The following MYT1L variants were observed in gnomAD, a reference collection of about 807,000 sequenced individuals.
MYT1L encodes myelin transcription factor 1-like protein.
In MYT1L, 12 loss-of-function variants were observed where a neutral mutation model predicts 126.7. The ratio of observed to expected loss-of-function variants is 0.09; its 90% CI spans 0.06 to 0.15. The LOEUF (loss-of-function observed/expected upper bound fraction) is 0.15. Ranked by LOEUF, MYT1L falls within the 10% of genes least tolerant of loss-of-function variation. MYT1L has a pLI of 1.00. For missense variants in MYT1L, 979 were observed against 1,585.2 expected, an observed-to-expected ratio of 0.62 and a Z score of 6.49; for synonymous variants, 541 against 604.2, an observed-to-expected ratio of 0.90 and a Z score of 1.53.
chr2:2,003,753 T>C (rs2062658366), intron 4 of MYT1L, among the ~76,000 whole-genome samples: 1 of 152,176 alleles, frequency 6.6e-6, no homozygotes, highest in Non-Finnish European at 1.5e-5. Context: ...CACGCCTTCC[T>C]GTGTGGACCC....
intron 2 of MYT1L, among the ~76,000 whole-genome samples, chr2:2,249,211 T>G (rs563873408): frequency 6.6e-6 from 1 of 152,124 alleles, no homozygotes; most frequent in Non-Finnish European, 1.5e-5. Flanking sequence ...AAGTTGCATT[T>G]TTATATGTCA....
chr2:2,253,425 G>C (rs548895981), intron 2 of MYT1L, among the ~76,000 whole-genome samples: 1 of 152,366 alleles, frequency 6.6e-6, no homozygotes, highest in African/African-American at 2.4e-5. Context: ...TGCTCAGCGG[G>C]AAATCTCAGT....
intron 14 of MYT1L, 32 bp from the exon 15 acceptor site, chr2:1,892,319 C>CCCGG: frequency 6.5e-7 from 1 of 1,541,030 alleles, no homozygotes; most frequent in Non-Finnish European, 8.8e-7. Flanking sequence ...TGACTCAGGC[C>CCCGG]CCGGCCGCAG....
At position 2,104,536 on chromosome 2, in the gene MYT1L, C is replaced by T. The variant is rs375687104; in HGVS notation, c.-303-50413G>A. On this transcript the variant is annotated intron_variant, in intron 3 of 24. Transcript: ENST00000647738. ...AGGATGGCTGGAGAACGGCACAAGG[C>T]GGTGGCTACCTGGCAACAGCGGCTC... 2.4e-4 allele frequency among the ~76,000 whole-genome samples: 37 copies of T among 152,334 alleles called. No individual in the cohort carries two copies. In the East Asian group the frequency reaches 6.8e-3, roughly 28 times the overall value.
intron 8 of MYT1L, among the ~76,000 whole-genome samples, chr2:1,965,974 C>T (rs541225299): frequency 3.7e-4 from 57 of 152,382 alleles, no homozygotes; most frequent in African/African-American, 1.2e-3. Context: ...GCCTGCTTCA[C>T]GACGCCCTAG....
At chr2:1,947,445 C>G (rs1008876737) in intron 8 of MYT1L, among the ~76,000 whole-genome samples, 2 of 152,096 alleles carry the variant, frequency 1.3e-5, no homozygotes, top group Admixed American at 1.3e-4. Context: ...GCTAGGAGGA[C>G]GTTTGAGAGG....
chr2:2,007,652 G>A (rs1053319202), intron 4 of MYT1L, among the ~76,000 whole-genome samples: 4 of 152,072 alleles, frequency 2.6e-5, no homozygotes, highest in Non-Finnish European at 5.9e-5. Context: ...TTTGGCCTAG[G>A]GAATTGTGGT....
At chr2:2,078,499 T>G (rs1212463222) in intron 3 of MYT1L, among the ~76,000 whole-genome samples, 1 of 152,158 alleles carries the variant, frequency 6.6e-6, no homozygotes, top group Non-Finnish European at 1.5e-5. Context: ...TGAAAAAATA[T>G]TCCATGCAAG....
intron 1 of MYT1L, among the ~76,000 whole-genome samples, chr2:2,307,350 T>C (rs560257508): frequency 1.3e-5 from 2 of 152,176 alleles, no homozygotes; most frequent in African/African-American, 4.8e-5. Context: ...AGTGGGGGTG[T>C]GTGGCGTCAT....
intron 3 of MYT1L, among the ~76,000 whole-genome samples, chr2:2,078,799 A>G (rs2075497021): frequency 6.6e-6 from 1 of 152,242 alleles, no homozygotes; most frequent in Admixed American, 6.5e-5. Flanking sequence ...AGTGCAGCCC[A>G]TTTGCAGGGT....
chr2:2,203,526 TA>T (rs1559326895), intron 2 of MYT1L, among the ~76,000 whole-genome samples: 1 of 151,560 alleles, frequency 6.6e-6, no homozygotes, highest in African/African-American at 2.4e-5. Context: ...TCAAAGAGAA[TA>T]AAATACCTAG....
intron 19 of MYT1L, among the ~76,000 whole-genome samples, chr2:1,846,853 GCCCCCTGGTGAGGAGCCA>G (rs1312985181): frequency 6.6e-6 from 1 of 152,184 alleles, no homozygotes; most frequent in Non-Finnish European, 1.5e-5. Context: ...GGTTCCCAAG[GCCCCCTGGTGAGGAGCCA>G]CCTCTCCGGA....
chr2:1,992,094 T>C (rs2061494339), intron 5 of MYT1L, among the ~76,000 whole-genome samples: 1 of 152,230 alleles, frequency 6.6e-6, no homozygotes, highest in Admixed American at 6.5e-5. Context: ...AGTTAGGCAC[T>C]GCTGTCTCCT....
intron 3 of MYT1L, among the ~76,000 whole-genome samples, chr2:2,092,795 G>C: frequency 6.6e-6 from 1 of 152,170 alleles, no homozygotes; most frequent in East Asian, 1.9e-4. Context: ...TGCACTTGGG[G>C]GCTGTTGTAA....
chr2:2,073,385 C>T (rs541668204), intron 3 of MYT1L, among the ~76,000 whole-genome samples: 36 of 152,148 alleles, frequency 2.4e-4, no homozygotes, highest in African/African-American at 8.2e-4. Flanking sequence ...AAGAAGATTA[C>T]AGAAAGAAGA....
chr2:1,892,295 G>C lies in MYT1L; in HGVS notation c.2033-8C>G. 1.9e-6 allele frequency: 3 copies of C among 1,546,448 alleles called. No individual in the cohort carries two copies. The highest frequency in any genetic ancestry group is 2.6e-6 in the Non-Finnish European group (3 of 1,144,974). On this transcript the variant is annotated splice_polypyrimidine_tract_variant and splice_region_variant and intron_variant, in intron 14 of 24. Coordinates refer to ENST00000647738, the MANE Select transcript of MYT1L (RefSeq NM_001303052.2). ...CCTTGCAGTACCGCTTCGCTGGGGAGACAGGGACAGGGATGACTCAGGCCC... is the reference window on the plus strand; with the variant it reads ...CCTTGCAGTACCGCTTCGCTGGGGACACAGGGACAGGGATGACTCAGGCCC...
At position 1,910,766 on chromosome 2, in the gene MYT1L, C is replaced by T. The variant is rs1350834301; in HGVS notation, c.1710-419G>A. 1.3e-5 allele frequency among the ~76,000 whole-genome samples: 2 copies of T among 152,138 alleles called. No homozygotes were observed. The highest frequency in any genetic ancestry group is 4.8e-5 in the African/African-American group (2 of 41,426). ...TGTTACCAGAAGATGGAGCTCCAAG[C>T]TGATTTCCTAAATGCTATTGACTGT... On this transcript the variant is annotated intron_variant, in intron 12 of 24. Transcript: ENST00000647738. The surrounding 1 kb of genome is among the most constrained non-coding windows in gnomAD (Gnocchi z 4.8).
chr2:2,157,225 A>G (rs1225085424), intron 3 of MYT1L, among the ~76,000 whole-genome samples: 1 of 152,240 alleles, frequency 6.6e-6, no homozygotes, highest in Non-Finnish European at 1.5e-5. Flanking sequence ...AAATATAATG[A>G]AATCATATAA....
intron 2 of MYT1L, among the ~76,000 whole-genome samples, chr2:2,198,842 T>C (rs559948262): frequency 6.6e-6 from 1 of 152,066 alleles, no homozygotes; most frequent in South Asian, 2.1e-4. Flanking sequence ...CGAGACTCTG[T>C]CTCAAAAAAA....
Sources: gnomAD v4.1 joint callset for allele counts (sites outside exome capture counted in the v4.1 genomes callset) on GRCh38, gnomAD v4.1.1 for gene constraint, Gnocchi (gnomAD v3.1) non-coding constraint, MANE v1.5 for transcripts, NCBI Gene and HGNC (gene_info 2026-07-23, HGNC 2026-07-21) for gene names.